SLC25A26: variants seen among roughly 807,000 people sequenced by gnomAD.
The protein encoded by SLC25A26 is solute carrier family 25 member 26.
SLC25A26 carries 36 observed loss-of-function variants against 37.8 expected under a neutral mutation model. That is an observed-to-expected ratio of 0.95 (90% confidence interval 0.73 to 1.26). SLC25A26 has a LOEUF of 1.26. Ranked by LOEUF, SLC25A26 falls within the 50% of genes most tolerant of loss-of-function variation. The probability of loss-of-function intolerance (pLI) is 0.00; values close to 1 mark genes in which losing one functional copy is unlikely to be tolerated. For synonymous variants in SLC25A26, 129 were observed against 122.5 expected, an observed-to-expected ratio of 1.05 and a Z score of -0.35; for missense variants, 390 against 331.1, an observed-to-expected ratio of 1.18 and a Z score of -1.38.
chr3:66,183,068 T>C (rs1020200700), intron 1 of SLC25A26, among the ~76,000 whole-genome samples: 2 of 152,120 alleles, frequency 1.3e-5, no homozygotes, highest in Non-Finnish European at 2.9e-5. Context: ...TTGGTTATTC[T>C]ATACAACAAA....
rs549790426 is a variant in SLC25A26, at chr3:66,306,537, C to T, written c.454-39827C>T. On this transcript the variant is annotated intron_variant, in intron 5 of 9. Transcript: ENST00000354883. ...AAGTTCTGGGGATACATGTGCACAACGTGCAGGTTTGTTACATAGGTATAC... is the reference window on the plus strand; with the variant it reads ...AAGTTCTGGGGATACATGTGCACAATGTGCAGGTTTGTTACATAGGTATAC... 1.4e-4 allele frequency among the ~76,000 whole-genome samples: 22 copies of T among 152,100 alleles called. No individual in the cohort carries two copies. In the South Asian group the frequency reaches 3.7e-3, roughly 26 times the overall value.
chr3:66,278,674 T>C (rs1408378635), intron 5 of SLC25A26, among the ~76,000 whole-genome samples: 2 of 152,112 alleles, frequency 1.3e-5, no homozygotes, highest in Admixed American at 1.3e-4. Flanking sequence ...AACTTTAAGT[T>C]ATATATTCGT....
intron 1 of SLC25A26, among the ~76,000 whole-genome samples, chr3:66,213,594 G>T (rs972407047): frequency 6.6e-6 from 1 of 151,906 alleles, no homozygotes; most frequent in Admixed American, 6.6e-5. Flanking sequence ...TACCAGAGGG[G>T]TATATTTGTT....
chr3:66,346,678 A>G (rs1575593817), intron 6 of SLC25A26, among the ~76,000 whole-genome samples: 1 of 150,056 alleles, frequency 6.7e-6, no homozygotes, highest in East Asian at 2.0e-4. Context: ...CCATATTGCC[A>G]TTCTTTCTCC....
chr3:66,330,794 T>C (rs889331794), intron 5 of SLC25A26, among the ~76,000 whole-genome samples: 1 of 152,086 alleles, frequency 6.6e-6, no homozygotes, highest in African/African-American at 2.4e-5. Context: ...CTTCCTCAAA[T>C]ATGAAACTTT....
chr3:66,243,244 T>C lies in SLC25A26; in HGVS notation c.232T>C (p.Leu78=). 1 of 1,610,206 alleles carries C rather than the reference T, an allele frequency of 6.2e-7. No individual in the cohort carries two copies. The highest frequency in any genetic ancestry group is 8.5e-7 in the Non-Finnish European group (1 of 1,177,640). ...FITYEYVKWF[L]HADSSSYLTP... is the part of the protein sequence containing the mutation. ...CACCTATGAATATGTGAAGTGGTTTTTGCATGCTGATTCATCTTCATATTT... is the reference window on the plus strand; with the variant it reads ...CACCTATGAATATGTGAAGTGGTTTCTGCATGCTGATTCATCTTCATATTT... Residue 78 remains leucine (L), a synonymous_variant, in exon 3 of 10, where the codon TTG becomes CTG. Transcript: ENST00000354883.
At chr3:66,138,424 C>T (rs557246726) in intron 1 of SLC25A26, among the ~76,000 whole-genome samples, 30 of 152,056 alleles carry the variant, frequency 2.0e-4, no homozygotes, top group African/African-American at 6.8e-4. Context: ...ACTTGAGATC[C>T]TAGTACACAT....
At chr3:66,161,357 G>T (rs993452122) in intron 1 of SLC25A26, among the ~76,000 whole-genome samples, 3 of 152,142 alleles carry the variant, frequency 2.0e-5, no homozygotes, top group Admixed American at 1.3e-4. Flanking sequence ...GCTACCTTAT[G>T]TAAAGAATCT....
intron 3 of SLC25A26, among the ~76,000 whole-genome samples, chr3:66,259,313 AC>A (rs1321427174): frequency 3.9e-5 from 6 of 152,124 alleles, no homozygotes; most frequent in Admixed American, 6.5e-5. Flanking sequence ...TTTAGCGATC[AC>A]CTGTATGCTG....
intron 5 of SLC25A26, among the ~76,000 whole-genome samples, chr3:66,303,756 G>T (rs903943453): frequency 1.3e-5 from 2 of 152,182 alleles, no homozygotes; most frequent in Non-Finnish European, 1.5e-5. Flanking sequence ...AGCAGTCTGA[G>T]GACCGCGTGG....
intron 1 of SLC25A26, among the ~76,000 whole-genome samples, chr3:66,226,358 C>T (rs782819735): frequency 6.6e-5 from 10 of 152,200 alleles, no homozygotes; most frequent in Admixed American, 6.5e-4. Flanking sequence ...GAAAGACCTG[C>T]CACCATGATT....
chr3:66,217,668 C>A (rs2071382149), upstream of SLC25A26, among the ~76,000 whole-genome samples: 1 of 152,054 alleles, frequency 6.6e-6, no homozygotes, highest in African/African-American at 2.4e-5. Flanking sequence ...CCTGCCTCAG[C>A]CTTCTGAGTA....
intron 5 of SLC25A26, among the ~76,000 whole-genome samples, chr3:66,266,576 CTTTTTT>C (rs1004250488): frequency 1.8e-5 from 2 of 111,562 alleles, no homozygotes; most frequent in Admixed American, 9.6e-5. Flanking sequence ...TGTTGTCACA[CTTTTTT>C]TTTTTTTTTT....
intron 5 of SLC25A26, among the ~76,000 whole-genome samples, chr3:66,270,078 G>A (rs1384989733): frequency 1.3e-5 from 2 of 152,044 alleles, no homozygotes; most frequent in African/African-American, 2.4e-5. Context: ...GCTCTAAGGG[G>A]GCTTGGAGTT....
upstream of SLC25A26, among the ~76,000 whole-genome samples, chr3:66,219,577 T>G (rs1412058979): frequency 6.6e-6 from 1 of 152,138 alleles, no homozygotes; most frequent in African/African-American, 2.4e-5. Context: ...GGAAAGGTAT[T>G]CTGGGTAGAG....
At chr3:66,211,940 C>G (rs1183277342) in intron 1 of SLC25A26, among the ~76,000 whole-genome samples, 1 of 152,098 alleles carries the variant, frequency 6.6e-6, no homozygotes, top group Non-Finnish European at 1.5e-5. Context: ...TTCATCTTCC[C>G]CAACTGATAC....
chr3:66,245,960 A>T (rs1332886524), intron 3 of SLC25A26, among the ~76,000 whole-genome samples: 1 of 152,156 alleles, frequency 6.6e-6, no homozygotes, highest in Non-Finnish European at 1.5e-5. Context: ...TGCAGTCACA[A>T]TCCCCATTTC....
At position 66,221,118 on chromosome 3, in the gene SLC25A26, AGC is replaced by A; in HGVS notation, c.27_28del (p.Leu10GlyfsTer11). On this transcript the variant is annotated frameshift_variant, in exon 1 of 10. Coordinates refer to ENST00000354883, the MANE Select transcript of SLC25A26 (RefSeq NM_001379210.1). LOFTEE classifies it high-confidence loss of function. The stretch of plus-strand genomic sequence containing the variant: ...CCATGGACCGGCCGGGGTTCGTGGC[AGC>A]GCTGGTGGTGAGTGCGGGGCGGTGG... MDRPGFVA[A>X]LVAGGVAGVS... 6.5e-7 allele frequency: 1 copy of A among 1,530,548 alleles called. No individual in the cohort carries two copies. Among genetic ancestry groups the A allele is most frequent in the South Asian group, 1.2e-5 (1 of 83,778 alleles). 94.8% of individuals were successfully genotyped at this position (1,530,548 alleles called of 1,614,324 possible).
At chr3:66,275,901 G>A (rs932746877) in intron 5 of SLC25A26, among the ~76,000 whole-genome samples, 4 of 152,056 alleles carry the variant, frequency 2.6e-5, no homozygotes, top group Non-Finnish European at 4.4e-5. Context: ...TGAATACCGT[G>A]TGGGTCAAGA....
Sources: gnomAD v4.1 joint callset for allele counts (sites outside exome capture counted in the v4.1 genomes callset) on GRCh38, gnomAD v4.1.1 for gene constraint, MANE v1.5 for transcripts, NCBI Gene and HGNC (gene_info 2026-07-23, HGNC 2026-07-21) for gene names.